Variants in GLP2R observed in about 807,000 individuals in gnomAD.
GLP2R encodes the protein glucagon like peptide 2 receptor, also known as glucagon-like peptide 2 receptor.
In GLP2R, 59 loss-of-function variants were observed where a neutral mutation model predicts 68.2. That is an observed-to-expected ratio of 0.87 (90% CI 0.70 to 1.07). The LOEUF (loss-of-function observed/expected upper bound fraction) is 1.07. Ranked by LOEUF, GLP2R falls within the 50% of genes least tolerant of loss-of-function variation. The pLI, the probability that GLP2R is intolerant of heterozygous loss-of-function variation, is 0.00. For synonymous variants in GLP2R, 270 were observed against 265.4 expected (o/e 1.02, Z -0.17); for missense variants, 548 against 677.4 (o/e 0.81, Z 2.12).
intron 4 of GLP2R, among the ~76,000 whole-genome samples, chr17:9,850,507 A>G (rs2066881189): frequency 6.6e-6 from 1 of 152,168 alleles, no homozygotes; most frequent in African/African-American, 2.4e-5. Context: ...GTCACCTTCA[A>G]TCGATGACTG....
intron 5 of GLP2R, among the ~76,000 whole-genome samples, chr17:9,855,236 G>A (rs1486016901): frequency 2.0e-5 from 3 of 152,172 alleles, no homozygotes; most frequent in Non-Finnish European, 4.4e-5. Flanking sequence ...AGCTGGAAAT[G>A]ACCAGAGAGA....
In GLP2R at chr17:9,891,474, G is replaced by T. The variant is rs2067290171; in HGVS notation, c.*1769G>T. 6.6e-6 allele frequency: 1 copy of T among 152,250 alleles called. No individual in the cohort carries two copies. Among genetic ancestry groups the T allele is most frequent in the Admixed American group, 6.5e-5 (1 of 15,288 alleles). The allele number at this position is 152,250 out of a possible 1,614,324, so 9.4% of individuals were successfully genotyped here. A position where few individuals can be genotyped will look rare whatever the true frequency, so the allele number is the denominator to read the frequency against. ...GGTGAGGCAGGAGAGGCCAGCTCTT[G>T]CAAGTGCAGGCTCTGGTCCTGACTT... is the stretch of plus-strand genomic sequence containing the variant. On this transcript the variant is annotated 3_prime_UTR_variant, in exon 13 of 13. Coordinates refer to ENST00000262441, the MANE Select transcript of GLP2R (RefSeq NM_004246.3).
intron 4 of GLP2R, among the ~76,000 whole-genome samples, chr17:9,848,710 C>G (rs1037315102): frequency 1.3e-5 from 2 of 151,978 alleles, no homozygotes; most frequent in African/African-American, 4.8e-5. Context: ...CCATGTTTAC[C>G]TGTGTTTCTA....
chr17:9,841,413 TC>T (rs1476446290), intron 3 of GLP2R, among the ~76,000 whole-genome samples: 6 of 151,910 alleles, frequency 3.9e-5, no homozygotes, highest in Non-Finnish European at 7.4e-5. Context: ...GAGTCCCATC[TC>T]CCGGTGGGAG....
At chr17:9,871,666 T>TGAAGA (rs928336964) in intron 10 of GLP2R, among the ~76,000 whole-genome samples, 1 of 151,952 alleles carries the variant, frequency 6.6e-6, no homozygotes, top group Non-Finnish European at 1.5e-5. Flanking sequence ...AATGAATGAA[T>TGAAGA]GAAGAGAGAT....
At position 9,890,103 on chromosome 17, in the gene GLP2R, C is replaced by G. The variant is rs1486479665; in HGVS notation, c.*398C>G. On this transcript the variant is annotated 3_prime_UTR_variant, in exon 13 of 13. Transcript: ENST00000262441. ...AGGTTGGGTTTAGGGTGCGTGAAAA[C>G]CTCCTAGGAAGCTTTTAAAATGCAG... 1 of 456,622 alleles carries G rather than the reference C, an allele frequency of 2.2e-6. No individual in the cohort carries two copies. The highest frequency in any genetic ancestry group is 4.4e-6 in the Non-Finnish European group (1 of 227,662). 28.3% of individuals were successfully genotyped at this position (456,622 alleles called of 1,614,324 possible).
intron 9 of GLP2R, chr17:9,865,778 A>G: frequency 4.3e-6 from 2 of 469,978 alleles, no homozygotes; most frequent in South Asian, 3.1e-5. Context: ...ATATTTCACA[A>G]TCACCCTCAG....
At chr17:9,849,809 T>C (rs1031331884) in intron 4 of GLP2R, among the ~76,000 whole-genome samples, 1 of 152,020 alleles carries the variant, frequency 6.6e-6, no homozygotes, top group Non-Finnish European at 1.5e-5. Context: ...GAGACAGTGT[T>C]TCACCATATT....
Position 9,833,836 on chromosome 17 carries a change from T to C in GLP2R, c.219T>C (p.Thr73=). The stretch of plus-strand genomic sequence containing the variant: ...CAGGATCCCTCCTTGAGGAAACGAC[T>C]CGGAAGTGGGCTCAGTACAAACAGG... ...QVTGSLLEET[T]RKWAQYKQAC... Residue 73 remains threonine, a synonymous_variant, in exon 2 of 13, where the codon ACT becomes ACC. Transcript: ENST00000262441. 6.2e-7 allele frequency: 1 copy of C among 1,613,560 alleles called. No homozygotes were observed. The highest frequency in any genetic ancestry group is 2.2e-5 in the East Asian group (1 of 44,884).
At chr17:9,843,404 AT>A (rs1288557383) in intron 4 of GLP2R, among the ~76,000 whole-genome samples, 2 of 152,162 alleles carry the variant, frequency 1.3e-5, no homozygotes, top group Non-Finnish European at 2.9e-5. Flanking sequence ...CACAGGGATC[AT>A]ATTTGCTACA....
intron 11 of GLP2R, among the ~76,000 whole-genome samples, chr17:9,885,443 G>C (rs544819103): frequency 7.5e-4 from 114 of 152,056 alleles, no homozygotes; most frequent in African/African-American, 2.7e-3. Flanking sequence ...TTCGGCTGGG[G>C]CTGCAAACGT....
intron 10 of GLP2R, among the ~76,000 whole-genome samples, chr17:9,877,661 G>A (rs1045409842): frequency 2.6e-5 from 4 of 152,036 alleles, no homozygotes; most frequent in East Asian, 1.9e-4. Flanking sequence ...AGGCCGAGGC[G>A]GGCGGATCAC....
chr17:9,852,676 G>A (rs2066902282), intron 4 of GLP2R: 1 of 211,548 alleles, frequency 4.7e-6, no homozygotes, highest in South Asian at 8.1e-5. Flanking sequence ...TTTAATCTTG[G>A]TGTTGATGGT....
chr17:9,864,058 C>T (rs1162475533), intron 9 of GLP2R, among the ~76,000 whole-genome samples: 1 of 152,206 alleles, frequency 6.6e-6, no homozygotes, highest in Non-Finnish European at 1.5e-5. Flanking sequence ...CTAGGAGCTA[C>T]ACCAATGGTT....
intron 1 of GLP2R, 104 bp downstream of exon 1, chr17:9,826,356 G>A (rs1597372162): frequency 2.7e-6 from 2 of 734,968 alleles, no homozygotes; most frequent in South Asian, 4.6e-5. Flanking sequence ...AGAGAAAACA[G>A]TATTAAGAAA....
At chr17:9,870,895 C>G in intron 10 of GLP2R, 60 bp downstream of exon 10, 1 of 812,468 alleles carries the variant, frequency 1.2e-6, no homozygotes, top group Non-Finnish European at 2.2e-6. Flanking sequence ...TCTGGCTGTT[C>G]TGCCCGCTGT....
At chr17:9,840,771 G>T (rs1213318039) in intron 3 of GLP2R, among the ~76,000 whole-genome samples, 1 of 152,164 alleles carries the variant, frequency 6.6e-6, no homozygotes, top group Admixed American at 6.6e-5. Flanking sequence ...AAAAGGTAAA[G>T]GTTTTAGAGG....
chr17:9,858,075 A>T (rs570312235), intron 6 of GLP2R, among the ~76,000 whole-genome samples: 24 of 152,218 alleles, frequency 1.6e-4, no homozygotes, highest in Non-Finnish European at 3.4e-4. Flanking sequence ...TCTAGCGATG[A>T]TTTAAAGTAT....
intron 11 of GLP2R, among the ~76,000 whole-genome samples, chr17:9,883,595 AT>A (rs2067216144): frequency 6.6e-6 from 1 of 152,242 alleles, no homozygotes; most frequent in Non-Finnish European, 1.5e-5. Flanking sequence ...TGAAGAGAAA[AT>A]ATTGAAAGCA....
Sources: gnomAD v4.1 joint callset for allele counts (sites outside exome capture counted in the v4.1 genomes callset) on GRCh38, gnomAD v4.1.1 for gene constraint, MANE v1.5 for transcripts, NCBI Gene and HGNC (gene_info 2026-07-23, HGNC 2026-07-21) for gene names.